WSCD2: variants seen among roughly 807,000 people sequenced by gnomAD.
WSCD2 encodes the protein sialate:O-sulfotransferase 2.
WSCD2 carries 28 observed loss-of-function variants against 55.7 expected under a neutral mutation model. The observed-to-expected ratio is 0.50, with a 90% CI of 0.37 to 0.69. The LOEUF is 0.69. WSCD2 is among the 30% of genes least tolerant of loss of function. The pLI is 0.00. For missense variants in WSCD2, 616 were observed against 762.1 expected (o/e 0.81, Z 2.26); for synonymous variants, 301 against 301.9 (o/e 1.00, Z 0.03).
intron 6 of WSCD2, 92 bp downstream of exon 6, chr12:108,227,256 C>A (rs935531560): frequency 1.7e-5 from 24 of 1,448,766 alleles, no homozygotes; most frequent in Non-Finnish European, 2.2e-5. Flanking sequence ...ACACAGCCTG[C>A]AGCAAGGAGA....
intron 2 of WSCD2, among the ~76,000 whole-genome samples, chr12:108,198,403 G>A (rs2137057622): frequency 6.6e-6 from 1 of 152,236 alleles, no homozygotes; most frequent in Non-Finnish European, 1.5e-5. Flanking sequence ...AATTTTCCCT[G>A]ATCCCCTTAC....
intron 7 of WSCD2, among the ~76,000 whole-genome samples, chr12:108,239,901 G>T (rs1247620331): frequency 6.6e-6 from 1 of 151,960 alleles, no homozygotes; most frequent in Non-Finnish European, 1.5e-5. Flanking sequence ...ATTTTTTATT[G>T]TAGAGAATGG....
intron 8 of WSCD2, among the ~76,000 whole-genome samples, chr12:108,246,405 G>A (rs535401684): frequency 2.6e-4 from 39 of 151,304 alleles, no homozygotes; most frequent in African/African-American, 9.6e-4. Context: ...GTTTGTCCTT[G>A]TGAGAAGCAG....
chr12:108,221,641 T>C (rs866563692), intron 4 of WSCD2, among the ~76,000 whole-genome samples: 4 of 152,200 alleles, frequency 2.6e-5, no homozygotes, highest in Admixed American at 2.0e-4. Flanking sequence ...TGTGCTCATT[T>C]AGGAGGTGAA....
chr12:108,201,127 A>C (rs1048034565), intron 2 of WSCD2, among the ~76,000 whole-genome samples: 1 of 152,214 alleles, frequency 6.6e-6, no homozygotes, highest in Non-Finnish European at 1.5e-5. Flanking sequence ...GGTGGCTTGA[A>C]CAACAGATAT....
chr12:108,226,637 C>T (rs527702539), intron 5 of WSCD2, among the ~76,000 whole-genome samples: 21 of 152,292 alleles, frequency 1.4e-4, no homozygotes, highest in Admixed American at 5.9e-4. Context: ...GGTAGAATTT[C>T]ATCACTTGTT....
At chr12:108,185,203 CA>C (rs1342637211) in intron 1 of WSCD2, among the ~76,000 whole-genome samples, 1 of 152,202 alleles carries the variant, frequency 6.6e-6, no homozygotes, top group African/African-American at 2.4e-5. Context: ...CAGCAATCAA[CA>C]AGCATTTTTC....
intron 1 of WSCD2, among the ~76,000 whole-genome samples, chr12:108,140,083 C>T (rs1876627594): frequency 6.6e-6 from 1 of 152,174 alleles, no homozygotes; most frequent in African/African-American, 2.4e-5. Context: ...GGCAAGAACT[C>T]AGAAGGTACA....
At chr12:108,175,222 C>T (rs1485591665) in intron 1 of WSCD2, among the ~76,000 whole-genome samples, 3 of 152,184 alleles carry the variant, frequency 2.0e-5, no homozygotes, top group Non-Finnish European at 4.4e-5. Context: ...CTGCAATGCA[C>T]AGCACCGGAC....
At chr12:108,229,986 GTCCATCTCTCCTTTTCTCCA>G (rs1888571434) in intron 6 of WSCD2, among the ~76,000 whole-genome samples, 2 of 151,382 alleles carry the variant, frequency 1.3e-5, no homozygotes, top group African/African-American at 4.9e-5. Flanking sequence ...TTACTTTATT[GTCCATCTCTCCTTTTCTCCA>G]TCCCTCAATC....
intron 1 of WSCD2, among the ~76,000 whole-genome samples, chr12:108,182,064 C>T (rs781004695): frequency 5.3e-5 from 8 of 152,198 alleles, no homozygotes; most frequent in Non-Finnish European, 4.4e-5. Context: ...AAAACTCATG[C>T]TCTATCTCTT....
At chr12:108,233,056 C>A in intron 7 of WSCD2, 161 bp downstream of exon 7, 1 of 880,622 alleles carries the variant, frequency 1.1e-6, no homozygotes, top group Non-Finnish European at 1.7e-6. Context: ...TACCCCCCCA[C>A]CTTCCTTTAT....
At chr12:108,201,476 T>C (rs551094404) in intron 2 of WSCD2, among the ~76,000 whole-genome samples, 5 of 136,998 alleles carry the variant, frequency 3.6e-5, no homozygotes, top group Non-Finnish European at 6.1e-5. Context: ...TTCTAAGGAA[T>C]TGGAAGTCAA....
intron 2 of WSCD2, among the ~76,000 whole-genome samples, chr12:108,199,698 T>C (rs545486075): frequency 6.6e-6 from 1 of 152,220 alleles, no homozygotes; most frequent in Non-Finnish European, 1.5e-5. Context: ...ATAATCTTCA[T>C]AGTAATGAAG....
chr12:108,199,338 G>A (rs1823202992), intron 2 of WSCD2, among the ~76,000 whole-genome samples: 1 of 152,166 alleles, frequency 6.6e-6, no homozygotes, highest in Non-Finnish European at 1.5e-5. Flanking sequence ...GCCCGGGAGT[G>A]GGAGGGGAGG....
chr12:108,240,436 G>A lies in WSCD2; in HGVS notation c.1237G>A (p.Ala413Thr), dbSNP rs763875999. ...SGQKEIEAFD[A>T]AILLIRNPYK... The stretch of plus-strand genomic sequence containing the variant: ...CCAGAAAGAGATCGAGGCCTTCGAC[G>A]CCGCCATCCTGCTCATCCGCAACCC... Residue 413 changes from alanine (A) to threonine (T), a missense_variant, in exon 8 of 9, where the codon GCC becomes ACC. By Grantham distance (58) the Ala-to-Thr change is moderately conservative (BLOSUM62 0). Transcript: ENST00000547525. 2.5e-6 allele frequency: 4 copies of A among 1,614,104 alleles called. No individual in the cohort carries two copies. The highest frequency in any genetic ancestry group is 4.5e-5 in the East Asian group (2 of 44,874).
At chr12:108,139,088 G>A (rs567228795) in intron 1 of WSCD2, among the ~76,000 whole-genome samples, 1 of 152,328 alleles carries the variant, frequency 6.6e-6, no homozygotes, top group South Asian at 2.1e-4. Context: ...TCAGATGGGT[G>A]GATCCTATTG....
intron 4 of WSCD2, among the ~76,000 whole-genome samples, chr12:108,220,256 A>T (rs1439751423): frequency 6.6e-6 from 1 of 152,210 alleles, no homozygotes; most frequent in East Asian, 1.9e-4. Context: ...GCTAAGGGTT[A>T]GGAGGGTTCC....
chr12:108,172,911 T>G (rs1038306156), intron 1 of WSCD2, among the ~76,000 whole-genome samples: 2 of 152,048 alleles, frequency 1.3e-5, no homozygotes, highest in Non-Finnish European at 2.9e-5. Flanking sequence ...GCCCTAATCT[T>G]AAATGGGAAG....
Sources: allele counts gnomAD v4.1 joint callset (sites outside exome capture counted in the v4.1 genomes callset), GRCh38; gene constraint gnomAD v4.1.1; transcripts MANE v1.5; gene names NCBI Gene and HGNC (gene_info 2026-07-23, HGNC 2026-07-21).